The following ZNF337 variants were observed in gnomAD, a reference collection of about 807,000 sequenced individuals.
ZNF337 encodes the protein zinc finger protein 337.
In ZNF337, 8 loss-of-function variants were observed where a neutral mutation model predicts 12.1. That is an observed-to-expected ratio of 0.66 (90% CI 0.39 to 1.19). The LOEUF (loss-of-function observed/expected upper bound fraction) is 1.19, where lower values mean the gene tolerates loss of function less well. Ranked by LOEUF, ZNF337 falls within the 50% of genes most tolerant of loss-of-function variation. The probability of loss-of-function intolerance (pLI) is 0.01; values close to 1 mark genes in which losing one functional copy is unlikely to be tolerated. For synonymous variants in ZNF337, 336 were observed against 320.0 expected, an observed-to-expected ratio of 1.05 and a Z score of -0.53; for missense variants, 882 against 896.6, an observed-to-expected ratio of 0.98 and a Z score of 0.21.
At chr20:25,677,981 G>A (rs2065724910) in intron 4 of ZNF337, 1 of 151,990 alleles carries the variant, frequency 6.6e-6, no homozygotes, top group African/African-American at 2.4e-5. Flanking sequence ...AGAACTGGAA[G>A]AAGATTCGAA....
At chr20:25,692,856 A>C (rs958327605) in intron 1 of ZNF337, among the ~76,000 whole-genome samples, 10 of 152,336 alleles carry the variant, frequency 6.6e-5, no homozygotes, top group Admixed American at 2.0e-4. Context: ...AAGATAAAAA[A>C]ACAGCTCCTA....
chr20:25,674,336 T>G lies in ZNF337; in HGVS notation c.*696A>C, dbSNP rs1237356573. 1 of 152,146 alleles carries G rather than the reference T, an allele frequency of 6.6e-6. No homozygotes were observed. Among genetic ancestry groups the G allele is most frequent in the Non-Finnish European group, 1.5e-5 (1 of 68,072 alleles). The allele number at this position is 152,146 out of a possible 1,614,324, so 9.4% of individuals were successfully genotyped here. ...TGTTTCCAAGATGATGCCTTCATGC[T>G]GCATCTTTTGGAAGGGAGGAGCATT... is the stretch of plus-strand genomic sequence containing the variant. On this transcript the variant is annotated 3_prime_UTR_variant, in exon 5 of 5. Transcript: ENST00000252979.
chr20:25,689,134 CAAAAA>C (rs35337654), intron 1 of ZNF337, among the ~76,000 whole-genome samples: 1 of 66,982 alleles, frequency 1.5e-5, no homozygotes. Context: ...GACTCCGTCA[CAAAAA>C]AAAAAAAAAA....
At chr20:25,696,087 T>TTCC (rs1491195722) in intron 1 of ZNF337, among the ~76,000 whole-genome samples, 2 of 52,106 alleles carry the variant, frequency 3.8e-5, no homozygotes, top group Non-Finnish European at 7.8e-5. Context: ...CCCACGCAGA[T>TTCC]CCCCCCCCCC....
chr20:25,677,956 A>C (rs149080704), intron 4 of ZNF337: 2 of 152,314 alleles, frequency 1.3e-5, no homozygotes, highest in East Asian at 3.9e-4. Context: ...GGAAAAGATA[A>C]AAGTCTTTCC....
At position 25,696,841 on chromosome 20, in the gene ZNF337, T is replaced by C; in HGVS notation, c.-132A>G. The C allele has an allele frequency of 6.1e-6, 6 of 985,040 alleles. No homozygotes were observed. Among genetic ancestry groups the C allele is most frequent in the Non-Finnish European group, 7.2e-6 (6 of 829,554 alleles). 61.0% of individuals were successfully genotyped at this position (985,040 alleles called of 1,614,324 possible). A position where few individuals can be genotyped will look rare whatever the true frequency, so the allele number is the denominator to read the frequency against. Reference sequence around the variant, plus strand: ...CACGGCTCGCTGACGCCCAGGGATCTGGAACGCTCTGCGCCGCCCGGGACT... The same window carrying C: ...CACGGCTCGCTGACGCCCAGGGATCCGGAACGCTCTGCGCCGCCCGGGACT... On this transcript the variant is annotated 5_prime_UTR_variant, in exon 1 of 5. Coordinates refer to ENST00000252979, the MANE Select transcript of ZNF337 (RefSeq NM_015655.4).
chr20:25,677,173 T>C (rs2065709582), intron 4 of ZNF337, 136 bp from the exon 5 acceptor site: 1 of 793,690 alleles, frequency 1.3e-6, no homozygotes, highest in Non-Finnish European at 1.9e-6. Context: ...CTTCTCAAAC[T>C]ATTCCAAAAA....
chr20:25,694,476 G>C (rs2065904525), intron 1 of ZNF337, among the ~76,000 whole-genome samples: 1 of 151,958 alleles, frequency 6.6e-6, no homozygotes, highest in African/African-American at 2.4e-5. Flanking sequence ...CTCTACTTGG[G>C]GGTTCTGCTG....
Position 25,689,993 on chromosome 20 carries a change from A to C in ZNF337, c.-49-3527T>G, listed in dbSNP as rs2388025. On this transcript the variant is annotated intron_variant, in intron 1 of 4. Coordinates refer to ENST00000252979, the MANE Select transcript of ZNF337 (RefSeq NM_015655.4). ...ATCAAGAAAAAGCCACATTAAAAACAGAAGGCAGCTGGCTGGGCACAGTGG... is the reference window on the plus strand; with the variant it reads ...ATCAAGAAAAAGCCACATTAAAAACCGAAGGCAGCTGGCTGGGCACAGTGG... Among the ~76,000 whole-genome samples the C allele has an allele frequency of 3.1e-3, 465 of 152,352 alleles. 9 individuals are homozygous for C. The East Asian group carries it at 0.056, about 18-fold the overall frequency.
chr20:25,674,862 T>C lies in ZNF337; in HGVS notation c.*170A>G. 1 of 634,052 alleles carries C rather than the reference T, an allele frequency of 1.6e-6. No homozygotes were observed. The highest frequency in any genetic ancestry group is 2.7e-6 in the Non-Finnish European group (1 of 368,818). 39.3% of individuals were successfully genotyped at this position (634,052 alleles called of 1,614,324 possible). On this transcript the variant is annotated 3_prime_UTR_variant, in exon 5 of 5. Transcript: ENST00000252979. ...GTTCCCTAAACATTGACCTCTTTTC[T>C]CTGAATCTCTTGGGGACACATGGGT...
At chr20:25,683,577 C>T (rs1385740016) in intron 4 of ZNF337, among the ~76,000 whole-genome samples, 2 of 151,538 alleles carry the variant, frequency 1.3e-5, no homozygotes, top group Admixed American at 6.6e-5. Flanking sequence ...CAAAAGAAGA[C>T]ATTTATGCAG....
rs2065691539 is a variant in ZNF337 at position 25,676,414 on chromosome 20, A to G, written c.874T>C (p.Tyr292His). 6.2e-7 allele frequency: 1 copy of G among 1,614,096 alleles called. No homozygotes were observed. Among genetic ancestry groups the G allele is most frequent in the East Asian group, 2.2e-5 (1 of 44,852 alleles). Reference protein sequence around the residue: ...HERTHTGEKPYECQECGRRFN... With the variant: ...HERTHTGEKPHECQECGRRFN... Reference sequence around the variant, plus strand: ...CTTCGCCCACACTCCTGGCATTCATAAGGCTTCTCTCCTGTGTGTGTTCTC... The same window carrying G: ...CTTCGCCCACACTCCTGGCATTCATGAGGCTTCTCTCCTGTGTGTGTTCTC... Residue 292 changes from tyrosine (Y) to histidine (H), a missense_variant, in exon 5 of 5, where the codon TAT becomes CAT. Physicochemically the swap from Tyr to His is moderately conservative, Grantham distance 83. Coordinates refer to ENST00000252979, the MANE Select transcript of ZNF337 (RefSeq NM_015655.4).
At chr20:25,678,683 C>A (rs180918424) in intron 4 of ZNF337, among the ~76,000 whole-genome samples, 126 of 152,272 alleles carry the variant, frequency 8.3e-4, no homozygotes, top group Non-Finnish European at 7.2e-4. Flanking sequence ...CAGTGGCTCA[C>A]ACCTGTAATC....
chr20:25,691,560 C>T (rs954154201), intron 1 of ZNF337, among the ~76,000 whole-genome samples: 8 of 152,154 alleles, frequency 5.3e-5, no homozygotes, highest in Non-Finnish European at 8.8e-5. Context: ...ATAGTGGCAT[C>T]GTGCCTCTCT....
chr20:25,680,017 C>A (rs1440934377), intron 4 of ZNF337, among the ~76,000 whole-genome samples: 1 of 151,962 alleles, frequency 6.6e-6, no homozygotes, highest in Non-Finnish European at 1.5e-5. Context: ...TCATTAGAAT[C>A]ATTATCATTA....
Position 25,676,770 on chromosome 20 carries a change from T to C in ZNF337, c.518A>G (p.Glu173Gly). The change falls in exon 5 of 5, where the codon GAA (glutamate) becomes GGA (glycine). Residue 173 changes from glutamate (E) to glycine (G), a missense_variant. By Grantham distance (98) the Glu-to-Gly change is moderately conservative. Coordinates refer to ENST00000252979, the MANE Select transcript of ZNF337 (RefSeq NM_015655.4). The stretch of plus-strand genomic sequence containing the variant: ...CTTGAATGCTCCCCATCTTGAATTT[T>C]CTATTCCTTTCAATACTTTGTCTAT... The part of the protein sequence containing the change: ...TEIDKVLKGI[E>G]NSRWGAFKCA... 1 of 1,614,244 alleles carries C rather than the reference T, an allele frequency of 6.2e-7. No individual in the cohort carries two copies. The highest frequency in any genetic ancestry group is 8.5e-7 in the Non-Finnish European group (1 of 1,180,044).
chr20:25,676,831 C>CT lies in ZNF337; in HGVS notation c.456dup (p.Glu153ArgfsTer3), dbSNP rs2065702857. The CT allele has an allele frequency of 6.2e-7, 1 of 1,614,090 alleles. No individual in the cohort carries two copies. Among genetic ancestry groups the CT allele is most frequent in the Admixed American group, 1.7e-5 (1 of 60,004 alleles). On this transcript the variant is annotated frameshift_variant, in exon 5 of 5. Transcript: ENST00000252979. LOFTEE classifies it low-confidence loss of function (END_TRUNC). ...TTTTCCCTCTGGCCTTGACTAGACTCTATTTCCACTACACTGTTCCTCCTC... is the reference window on the plus strand; with the variant it reads ...TTTTCCCTCTGGCCTTGACTAGACTCTTATTTCCACTACACTGTTCCTCCTC...
Position 25,674,285 on chromosome 20 carries a change from G to A in ZNF337, c.*747C>T, listed in dbSNP as rs1357673642. On this transcript the variant is annotated 3_prime_UTR_variant, in exon 5 of 5. Transcript: ENST00000252979. The stretch of plus-strand genomic sequence containing the variant: ...GTTCAACATCAAAACATCAGTAGGT[G>A]CAGTTGTCTGTTGAGGGCTCATGTC... 3 of 152,200 alleles carry A rather than the reference G, an allele frequency of 2.0e-5. No individual in the cohort carries two copies. The highest frequency in any genetic ancestry group is 4.4e-5 in the Non-Finnish European group (3 of 68,064). The allele number at this position is 152,200 out of a possible 1,614,324, so 9.4% of individuals were successfully genotyped here.
intron 1 of ZNF337, among the ~76,000 whole-genome samples, chr20:25,695,683 A>C (rs2122486335): frequency 6.6e-6 from 1 of 152,292 alleles, no homozygotes; most frequent in Admixed American, 6.5e-5. Flanking sequence ...CTGAGGCCAC[A>C]GGCATGGGAC....
Sources: gnomAD v4.1 joint callset for allele counts (sites outside exome capture counted in the v4.1 genomes callset) on GRCh38, gnomAD v4.1.1 for gene constraint, MANE v1.5 for transcripts, NCBI Gene and HGNC (gene_info 2026-07-23, HGNC 2026-07-21) for gene names.